The following CDK14 variants were observed in gnomAD, a reference collection of about 807,000 sequenced individuals.
CDK14 encodes the protein cyclin dependent kinase 14.
CDK14 carries 34 observed loss-of-function variants against 60.7 expected under a neutral mutation model. That is an observed-to-expected ratio of 0.56 (90% CI 0.43 to 0.75). The LOEUF (loss-of-function observed/expected upper bound fraction) is 0.75, where lower values mean the gene tolerates loss of function less well. Ranked by LOEUF, CDK14 falls within the 30% of genes least tolerant of loss-of-function variation. The probability of loss-of-function intolerance (pLI) is 0.00; values close to 1 mark genes in which losing one functional copy is unlikely to be tolerated. For missense variants in CDK14, 482 were observed against 564.1 expected, an observed-to-expected ratio of 0.85 and a Z score of 1.47; for synonymous variants, 197 against 203.7, an observed-to-expected ratio of 0.97 and a Z score of 0.28.
chr7:90,722,007 G>A (rs1388557784), intron 2 of CDK14, among the ~76,000 whole-genome samples: 1 of 151,976 alleles, frequency 6.6e-6, no homozygotes, highest in African/African-American at 2.4e-5. Flanking sequence ...GTCCTCCAGA[G>A]CCCTCTTTCA....
intron 10 of CDK14, among the ~76,000 whole-genome samples, chr7:91,029,612 C>CCTCT (rs1796698398): frequency 1.1e-5 from 1 of 88,476 alleles, no homozygotes; most frequent in African/African-American, 3.8e-5. Context: ...TCCTCTCCTC[C>CCTCT]GCTCCCCACT....
chr7:90,709,777 T>G (rs1203672636), intron 2 of CDK14: 36 of 1,429,320 alleles, frequency 2.5e-5, no homozygotes, highest in Middle Eastern at 2.6e-4. Context: ...GGGCTTTTTT[T>G]TTTTTGCTTG....
intron 4 of CDK14, among the ~76,000 whole-genome samples, chr7:90,766,717 T>C (rs1804577582): frequency 6.6e-6 from 1 of 152,122 alleles, no homozygotes; most frequent in Non-Finnish European, 1.5e-5. Context: ...CCAGCCGAGG[T>C]CCGAGGGGAG....
intron 2 of CDK14, among the ~76,000 whole-genome samples, chr7:90,696,943 T>G (rs1186046367): frequency 6.6e-6 from 1 of 152,140 alleles, no homozygotes; most frequent in Non-Finnish European, 1.5e-5. Context: ...GGTGATCAAT[T>G]GTGTCAGATG....
intron 14 of CDK14, among the ~76,000 whole-genome samples, chr7:91,161,439 G>A (rs1801165960): frequency 6.6e-6 from 1 of 152,216 alleles, no homozygotes; most frequent in Admixed American, 6.5e-5. Context: ...TTACTAAAAT[G>A]CAAGGTTTAT....
intron 14 of CDK14, among the ~76,000 whole-genome samples, chr7:91,128,217 A>G (rs1305844751): frequency 6.6e-6 from 1 of 152,194 alleles, no homozygotes; most frequent in Non-Finnish European, 1.5e-5. Context: ...GGCTTGTTTT[A>G]TCAAGCAGCC....
intron 3 of CDK14, among the ~76,000 whole-genome samples, chr7:90,737,550 GGTT>G (rs762363741): frequency 8.0e-4 from 122 of 152,242 alleles, no homozygotes; most frequent in Admixed American, 2.2e-3. Context: ...CCCCTTGACA[GGTT>G]GTTACCATGT....
At chr7:91,037,480 T>C (rs1262352275) in intron 10 of CDK14, among the ~76,000 whole-genome samples, 1 of 152,222 alleles carries the variant, frequency 6.6e-6, no homozygotes, top group Non-Finnish European at 1.5e-5. Flanking sequence ...AACCTCATTC[T>C]GATACTCAAA....
At position 91,147,141 on chromosome 7, in the gene CDK14, G is replaced by GTCTCTCTCTCTC. The variant is rs150638262; in HGVS notation, c.*28+28944_*28+28955dup. ...CCCACCTCCACTAGCACCTCTCTCTGTCTCTCTCTCTCTCTCTCTCTCACA... is the reference window on the plus strand; with the variant it reads ...CCCACCTCCACTAGCACCTCTCTCTGTCTCTCTCTCTCTCTCTCTCTCTCTCTCTCTCTCACA... On this transcript the variant is annotated intron_variant, in intron 14 of 14. Coordinates refer to ENST00000380050, the MANE Select transcript of CDK14 (RefSeq NM_001287135.2). Among the ~76,000 whole-genome samples, 147 of 79,150 alleles carry GTCTCTCTCTCTC rather than the reference G, an allele frequency of 1.9e-3. 3 individuals carry two copies. Among genetic ancestry groups the GTCTCTCTCTCTC allele is most frequent in the Middle Eastern group, 6.3e-3 (1 of 158 alleles). The allele number at this position is 79,150 out of a possible 152,430, so 51.9% of individuals were successfully genotyped here.
chr7:91,195,283 A>G (rs749938382), intron 14 of CDK14, among the ~76,000 whole-genome samples: 16 of 152,226 alleles, frequency 1.1e-4, no homozygotes, highest in African/African-American at 2.9e-4. Flanking sequence ...GGAACTCCCA[A>G]TGCTACAATT....
chr7:91,060,934 T>C (rs919181068), intron 11 of CDK14, among the ~76,000 whole-genome samples: 1 of 152,222 alleles, frequency 6.6e-6, no homozygotes, highest in Non-Finnish European at 1.5e-5. Flanking sequence ...TTCCTGAGTC[T>C]GAATTTTGGC....
intron 2 of CDK14, among the ~76,000 whole-genome samples, chr7:90,606,337 A>T (rs978779068): frequency 1.8e-4 from 27 of 152,226 alleles, no homozygotes; most frequent in African/African-American, 6.5e-4. Context: ...TTTGTAAAAT[A>T]GAGATAATAA....
At chr7:90,950,001 G>C (rs1459378334) in intron 8 of CDK14, among the ~76,000 whole-genome samples, 2 of 152,254 alleles carry the variant, frequency 1.3e-5, no homozygotes, top group African/African-American at 4.8e-5. Context: ...GTGATTATAT[G>C]AGTAGATTGG....
intron 2 of CDK14, among the ~76,000 whole-genome samples, chr7:90,643,328 T>C (rs947924399): frequency 6.6e-6 from 1 of 152,250 alleles, no homozygotes; most frequent in African/African-American, 2.4e-5. Context: ...TTTTTGATAA[T>C]ATGCTCTGTT....
intron 6 of CDK14, among the ~76,000 whole-genome samples, chr7:90,870,634 C>T (rs970226907): frequency 2.0e-5 from 3 of 152,122 alleles, no homozygotes; most frequent in Non-Finnish European, 4.4e-5. Context: ...CCACTAGATT[C>T]ATTATCTAGT....
intron 9 of CDK14, among the ~76,000 whole-genome samples, chr7:90,980,882 G>T (rs1795209643): frequency 6.6e-6 from 1 of 152,162 alleles, no homozygotes; most frequent in South Asian, 2.1e-4. Flanking sequence ...AACATATTAT[G>T]GAGATGATAT....
chr7:90,701,897 A>C (rs1239732321), intron 2 of CDK14, among the ~76,000 whole-genome samples: 3 of 152,100 alleles, frequency 2.0e-5, no homozygotes, highest in Non-Finnish European at 4.4e-5. Flanking sequence ...TGATGGCTTT[A>C]GGGTCTGAGT....
intron 14 of CDK14, among the ~76,000 whole-genome samples, chr7:91,182,372 T>G (rs1362763109): frequency 1.3e-5 from 2 of 151,834 alleles, no homozygotes; most frequent in Admixed American, 1.3e-4. Context: ...ATAGATAGGT[T>G]TTTTTTTCTT....
chr7:91,126,110 G>A (rs1584097769), intron 14 of CDK14, among the ~76,000 whole-genome samples: 3 of 152,216 alleles, frequency 2.0e-5, no homozygotes, highest in Non-Finnish European at 4.4e-5. Flanking sequence ...ACCTAGAGTT[G>A]TGATACATTG....
Sources: allele counts gnomAD v4.1 joint callset (sites outside exome capture counted in the v4.1 genomes callset), GRCh38; gene constraint gnomAD v4.1.1; transcripts MANE v1.5; gene names NCBI Gene and HGNC (gene_info 2026-07-23, HGNC 2026-07-21).